SLC25A13: variants seen among roughly 807,000 people sequenced by gnomAD.
The protein encoded by SLC25A13 is electrogenic aspartate/glutamate antiporter SLC25A13, mitochondrial.
In SLC25A13, 70 loss-of-function variants were observed where a neutral mutation model predicts 85.5. That is an observed-to-expected ratio of 0.82 (90% CI 0.68 to 1.00). The LOEUF (loss-of-function observed/expected upper bound fraction) is 1.00. Ranked by LOEUF, SLC25A13 falls within the 50% of genes least tolerant of loss-of-function variation. The pLI, the probability that SLC25A13 is intolerant of heterozygous loss-of-function variation, is 0.00. For synonymous variants in SLC25A13, 259 were observed against 288.7 expected (o/e 0.90, Z 1.04); for missense variants, 765 against 819.8 (o/e 0.93, Z 0.82).
chr7:96,297,919 A>G lies in SLC25A13; in HGVS notation c.16-968T>C, dbSNP rs748185617. Among the ~76,000 whole-genome samples the G allele has an allele frequency of 7.6e-4, 115 of 152,212 alleles. 3 individuals are homozygous for G. The highest frequency in any genetic ancestry group is 4.6e-4 in the Non-Finnish European group (31 of 68,042). ...TGTTGTGCTTAATTCTGCAGGCCAC[A>G]AAGTCCAAAAACATTGCTGGGGAAA... is the stretch of plus-strand genomic sequence containing the variant. On this transcript the variant is annotated intron_variant, in intron 1 of 17. Transcript: ENST00000265631.
intron 5 of SLC25A13, among the ~76,000 whole-genome samples, chr7:96,202,382 G>C (rs1178205401): frequency 6.6e-6 from 1 of 152,140 alleles, no homozygotes; most frequent in African/African-American, 2.4e-5. Context: ...CTTGTGATTA[G>C]AGCTCTCTGT....
rs148289130 is a variant in SLC25A13 at position 96,170,226 on chromosome 7, G to A, written c.1231-101C>T. ...CAATATATGCTATTTTTTTCTATCA[G>A]TCTATTGGAGTAATCATAAATTGCA... On this transcript the variant is annotated intron_variant, in intron 12 of 17. Coordinates refer to ENST00000265631, the MANE Select transcript of SLC25A13 (RefSeq NM_014251.3). 1.1e-3 allele frequency: 1,137 copies of A among 993,036 alleles called. 11 individuals carry two copies. In the African/African-American group the frequency reaches 0.016, roughly 14 times the overall value. 61.5% of individuals were successfully genotyped at this position (993,036 alleles called of 1,614,324 possible). A position where few individuals can be genotyped will look rare whatever the true frequency, so the allele number is the denominator to read the frequency against.
chr7:96,189,438 A>C, intron 8 of SLC25A13, 60 bp from the exon 9 acceptor site: 1 of 1,574,368 alleles, frequency 6.4e-7, no homozygotes, highest in Non-Finnish European at 8.7e-7. Context: ...TTTACATTAT[A>C]AAATTTAAAA....
intron 13 of SLC25A13, chr7:96,166,971 C>G (rs2116564162): frequency 6.6e-6 from 1 of 152,314 alleles, no homozygotes; most frequent in East Asian, 1.9e-4. Flanking sequence ...ACTCCCACAA[C>G]TACAACCCTA....
chr7:96,219,037 A>G (rs1475749845), intron 4 of SLC25A13, among the ~76,000 whole-genome samples: 1 of 152,196 alleles, frequency 6.6e-6, no homozygotes, highest in Non-Finnish European at 1.5e-5. Flanking sequence ...CTCTACTGCC[A>G]TATGCTCCAA....
At chr7:96,250,194 G>C (rs1427711676) in intron 3 of SLC25A13, among the ~76,000 whole-genome samples, 3 of 151,098 alleles carry the variant, frequency 2.0e-5, no homozygotes, top group Admixed American at 2.0e-4. Flanking sequence ...CTCAAAAAAA[G>C]AAAAAAAACT....
intron 3 of SLC25A13, among the ~76,000 whole-genome samples, chr7:96,244,081 G>C (rs1797091812): frequency 6.6e-6 from 1 of 152,156 alleles, no homozygotes; most frequent in South Asian, 2.1e-4. Flanking sequence ...CCAAGGAGCA[G>C]TCAAATCTGG....
intron 2 of SLC25A13, among the ~76,000 whole-genome samples, chr7:96,286,638 T>TG (rs1334604664): frequency 6.6e-6 from 1 of 152,212 alleles, no homozygotes; most frequent in East Asian, 1.9e-4. Flanking sequence ...TCATGGCTTC[T>TG]GGGGTTTTTT....
At chr7:96,229,304 G>A (rs1411818753) in intron 4 of SLC25A13, among the ~76,000 whole-genome samples, 1 of 152,156 alleles carries the variant, frequency 6.6e-6, no homozygotes, top group Non-Finnish European at 1.5e-5. Flanking sequence ...GATTGTAAAT[G>A]CACCAATCAG....
intron 13 of SLC25A13, among the ~76,000 whole-genome samples, chr7:96,164,746 A>ACACACACACACAC (rs1554344473): frequency 2.2e-4 from 34 of 151,814 alleles, no homozygotes; most frequent in Non-Finnish European, 3.1e-4. Flanking sequence ...ACACACACAC[A>ACACACACACACAC]AAAGAAGCAG....
intron 1 of SLC25A13, among the ~76,000 whole-genome samples, chr7:96,315,797 C>A (rs986417029): frequency 6.6e-6 from 1 of 152,032 alleles, no homozygotes; most frequent in African/African-American, 2.4e-5. Flanking sequence ...GGAGAAAAAA[C>A]CCTGCCATTT....
intron 15 of SLC25A13, among the ~76,000 whole-genome samples, chr7:96,124,863 G>A (rs892145341): frequency 6.6e-6 from 1 of 152,124 alleles, no homozygotes; most frequent in Non-Finnish European, 1.5e-5. Context: ...ACATGCATTT[G>A]TTATATAGGT....
At chr7:96,183,379 G>T (rs1359026802) in intron 11 of SLC25A13, among the ~76,000 whole-genome samples, 2 of 152,122 alleles carry the variant, frequency 1.3e-5, no homozygotes, top group Non-Finnish European at 2.9e-5. Flanking sequence ...TTCCATGTCT[G>T]CCAGTTTCAC....
intron 3 of SLC25A13, among the ~76,000 whole-genome samples, chr7:96,247,702 T>G (rs1797253844): frequency 6.6e-6 from 1 of 152,160 alleles, no homozygotes; most frequent in Non-Finnish European, 1.5e-5. Flanking sequence ...TAAAATTTTT[T>G]TACAGCTTTA....
intron 11 of SLC25A13, among the ~76,000 whole-genome samples, chr7:96,176,795 C>A (rs961968547): frequency 6.6e-6 from 1 of 152,140 alleles, no homozygotes; most frequent in African/African-American, 2.4e-5. Flanking sequence ...GAAAGAAACT[C>A]AATATTGCTG....
At chr7:96,209,526 G>C (rs1036740191) in intron 4 of SLC25A13, among the ~76,000 whole-genome samples, 1 of 151,974 alleles carries the variant, frequency 6.6e-6, no homozygotes, top group Non-Finnish European at 1.5e-5. Flanking sequence ...ACACTTTATC[G>C]AGCTGCACGT....
intron 15 of SLC25A13, among the ~76,000 whole-genome samples, chr7:96,128,952 C>CTCTT (rs1554336602): frequency 6.8e-6 from 1 of 146,004 alleles, no homozygotes; most frequent in Non-Finnish European, 1.5e-5. Context: ...CTCTCTCTCT[C>CTCTT]TCTCTCTCTC....
intron 13 of SLC25A13, among the ~76,000 whole-genome samples, chr7:96,168,648 A>T (rs1162447140): frequency 6.6e-6 from 1 of 152,206 alleles, no homozygotes; most frequent in Non-Finnish European, 1.5e-5. Context: ...ATGATTGCCA[A>T]CATCTTGAGT....
chr7:96,279,666 G>A (rs1176489482), intron 2 of SLC25A13, among the ~76,000 whole-genome samples: 1 of 152,286 alleles, frequency 6.6e-6, no homozygotes, highest in African/African-American at 2.4e-5. Context: ...TGAAATTTGG[G>A]TGGGGACACA....
Sources: gnomAD v4.1 joint callset for allele counts (sites outside exome capture counted in the v4.1 genomes callset) on GRCh38, gnomAD v4.1.1 for gene constraint, MANE v1.5 for transcripts, NCBI Gene and HGNC (gene_info 2026-07-23, HGNC 2026-07-21) for gene names.